TPRG1: variants seen among roughly 807,000 people sequenced by gnomAD.
TPRG1 encodes the protein tumor protein p63-regulated gene 1 protein.
Under a neutral mutation model 29.3 loss-of-function variants are expected in TPRG1, and 29 were observed. That is an observed-to-expected ratio of 0.99 (90% CI 0.74 to 1.35). The LOEUF is 1.35. TPRG1 is among the 40% of genes most tolerant of loss of function. The pLI is 0.00. For synonymous variants in TPRG1, 130 were observed against 116.8 expected, an observed-to-expected ratio of 1.11 and a Z score of -0.73; for missense variants, 327 against 335.0, an observed-to-expected ratio of 0.98 and a Z score of 0.19.
intron 3 of TPRG1, chr3:189,217,745 C>G: frequency 1.2e-6 from 1 of 838,780 alleles, no homozygotes; most frequent in Non-Finnish European, 1.4e-6. Flanking sequence ...AAATGAGGTT[C>G]CTAGTCTAGC....
At chr3:189,140,383 G>A (rs936632944) in intron 3 of TPRG1, among the ~76,000 whole-genome samples, 2 of 152,072 alleles carry the variant, frequency 1.3e-5, no homozygotes, top group African/African-American at 4.8e-5. Flanking sequence ...TCTGTAAAAT[G>A]GAGTGGACGA....
At chr3:189,200,573 T>A (rs1733308449) in intron 1 of TPRG1, among the ~76,000 whole-genome samples, 1 of 152,218 alleles carries the variant, frequency 6.6e-6, no homozygotes. Context: ...GACTAACTCC[T>A]GATCTTCCTT....
At chr3:189,107,464 T>C (rs576456372) in intron 1 of TPRG1, among the ~76,000 whole-genome samples, 1 of 152,332 alleles carries the variant, frequency 6.6e-6, no homozygotes, top group East Asian at 1.9e-4. Flanking sequence ...AATTGTCTTC[T>C]TTCCTATTCA....
intron 4 of TPRG1, among the ~76,000 whole-genome samples, chr3:189,262,486 C>T (rs1021390830): frequency 6.6e-6 from 1 of 152,030 alleles, no homozygotes; most frequent in Non-Finnish European, 1.5e-5. Flanking sequence ...AGGTGCTGGG[C>T]TGGGCAGTAT....
intron 4 of TPRG1, among the ~76,000 whole-genome samples, chr3:189,079,891 T>G (rs1717471441): frequency 1.3e-5 from 2 of 152,238 alleles, no homozygotes; most frequent in African/African-American, 2.4e-5. Context: ...CCTGTGTTAA[T>G]GCTTCACTTG....
intron 4 of TPRG1, among the ~76,000 whole-genome samples, chr3:189,242,786 T>A (rs899395897): frequency 8.5e-5 from 13 of 152,088 alleles, no homozygotes; most frequent in African/African-American, 2.9e-4. Flanking sequence ...AAAGTTAATT[T>A]CTTTTATAAA....
chr3:189,020,409 C>G (rs1297634542), intron 3 of TPRG1, among the ~76,000 whole-genome samples: 1 of 151,606 alleles, frequency 6.6e-6, no homozygotes, highest in African/African-American at 2.4e-5. Flanking sequence ...TGAATGCGTC[C>G]CAGAGATTCT....
intron 1 of TPRG1, among the ~76,000 whole-genome samples, chr3:188,997,466 G>A (rs1221472023): frequency 6.6e-6 from 1 of 152,070 alleles, no homozygotes; most frequent in Non-Finnish European, 1.5e-5. Flanking sequence ...AAAGCTATAG[G>A]AAAATGTTTT....
chr3:189,250,386 T>C (rs1333607317), intron 4 of TPRG1, among the ~76,000 whole-genome samples: 1 of 151,710 alleles, frequency 6.6e-6, no homozygotes, highest in Non-Finnish European at 1.5e-5. Flanking sequence ...TATTAAAAGG[T>C]GACATTAATC....
intron 4 of TPRG1, among the ~76,000 whole-genome samples, chr3:189,248,786 G>A (rs1741730025): frequency 6.6e-6 from 1 of 150,970 alleles, no homozygotes; most frequent in South Asian, 2.1e-4. Flanking sequence ...TTCAGTGAAT[G>A]TCTTCTCTTA....
chr3:189,140,721 C>T (rs377270828), intron 3 of TPRG1, among the ~76,000 whole-genome samples: 1 of 152,160 alleles, frequency 6.6e-6, no homozygotes, highest in African/African-American at 2.4e-5. Flanking sequence ...AAGCCTAATT[C>T]GGTGGCAGTC....
intron 3 of TPRG1, among the ~76,000 whole-genome samples, chr3:189,019,174 C>A (rs1713138919): frequency 6.6e-6 from 1 of 151,078 alleles, no homozygotes; most frequent in African/African-American, 2.4e-5. Context: ...ATGTCGTCTG[C>A]AAACAGGGAC....
intron 4 of TPRG1, among the ~76,000 whole-genome samples, chr3:189,290,099 G>C (rs1280968168): frequency 6.6e-6 from 1 of 152,174 alleles, no homozygotes; most frequent in Non-Finnish European, 1.5e-5. Flanking sequence ...CTATGGCAGT[G>C]GGGGTGTTCT....
At chr3:189,312,189 CTTTCTTT>C (rs1722777356) in intron 5 of TPRG1, among the ~76,000 whole-genome samples, 1 of 34,844 alleles carries the variant, frequency 2.9e-5, no homozygotes, top group Non-Finnish European at 5.5e-5. Context: ...TTCTTTTTTT[CTTTCTTT>C]CTTTCTTTCT....
chr3:189,131,696 A>G (rs1481979385), intron 2 of TPRG1, among the ~76,000 whole-genome samples: 1 of 152,204 alleles, frequency 6.6e-6, no homozygotes, highest in East Asian at 1.9e-4. Context: ...AAGACCCTTC[A>G]GCACTGACCT....
At chr3:189,022,552 G>A (rs945112065) in intron 3 of TPRG1, among the ~76,000 whole-genome samples, 15 of 151,738 alleles carry the variant, frequency 9.9e-5, no homozygotes, top group Non-Finnish European at 1.8e-4. Flanking sequence ...TCGGGGGTCA[G>A]GGGTCAGGGA....
chr3:189,026,098 C>T (rs558679146), intron 4 of TPRG1, among the ~76,000 whole-genome samples: 4 of 152,296 alleles, frequency 2.6e-5, no homozygotes, highest in African/African-American at 9.6e-5. Context: ...CAACAAAATG[C>T]CACAGATTGG....
chr3:189,294,923 T>A (rs1305325568), intron 4 of TPRG1, among the ~76,000 whole-genome samples: 1 of 152,222 alleles, frequency 6.6e-6, no homozygotes, highest in Non-Finnish European at 1.5e-5. Context: ...TACATATGTA[T>A]ACATGTGCCA....
chr3:189,040,771 T>C (rs565505163), intron 4 of TPRG1, among the ~76,000 whole-genome samples: 1 of 152,228 alleles, frequency 6.6e-6, no homozygotes, highest in South Asian at 2.1e-4. Flanking sequence ...TCCATCCAGG[T>C]TGTTTTCTTT....
Sources: gnomAD v4.1 joint callset for allele counts (sites outside exome capture counted in the v4.1 genomes callset) on GRCh38, gnomAD v4.1.1 for gene constraint, MANE v1.5 for transcripts, NCBI Gene and HGNC (gene_info 2026-07-23, HGNC 2026-07-21) for gene names.